The following HERC5 variants were observed in gnomAD, a reference collection of about 807,000 sequenced individuals.
The protein encoded by HERC5 is E3 ISG15--protein ligase HERC5.
In HERC5, 99 loss-of-function variants were observed where a neutral mutation model predicts 119.6. The ratio of observed to expected loss-of-function variants is 0.83; its 90% CI spans 0.70 to 0.98. HERC5 has a LOEUF of 0.98. HERC5 is among the 50% of genes least tolerant of loss of function. The pLI is 0.00. For missense variants in HERC5, 1,267 were observed against 1,241.3 expected (o/e 1.02, Z -0.31); for synonymous variants, 478 against 445.9 (o/e 1.07, Z -0.91).
intron 6 of HERC5, among the ~76,000 whole-genome samples, chr4:88,465,673 C>A (rs1740636891): frequency 6.6e-6 from 1 of 152,176 alleles, no homozygotes; most frequent in Admixed American, 6.5e-5. Context: ...GGAGATCTGT[C>A]TTAATGCACA....
rs750720998 is a variant in HERC5, at chr4:88,467,134, A to C, written c.987A>C (p.Gly329=). ...SFGSGKDGQL[G]NGGTRDQLMP... The stretch of plus-strand genomic sequence containing the variant: ...GTTCTGGAAAAGATGGACAACTGGG[A>C]AATGGTGGAACACGTGACCAGCTGA... Residue 329 remains glycine, a synonymous_variant, in exon 7 of 23, where the codon GGA becomes GGC. Coordinates refer to ENST00000264350, the MANE Select transcript of HERC5 (RefSeq NM_016323.4). The C allele has an allele frequency of 6.2e-7, 1 of 1,614,182 alleles. No individual in the cohort carries two copies. Among genetic ancestry groups the C allele is most frequent in the South Asian group, 1.1e-5 (1 of 91,080 alleles).
Position 88,499,971 on chromosome 4 carries a change from A to G in HERC5, c.2490A>G (p.Glu830=), listed in dbSNP as rs1741901543. 6 of 1,603,472 alleles carry G rather than the reference A, an allele frequency of 3.7e-6. No individual in the cohort carries two copies. Among genetic ancestry groups the G allele is most frequent in the Non-Finnish European group, 5.1e-6 (6 of 1,170,612 alleles). The change falls in exon 19 of 23, where the codon GAA becomes GAG. Residue 830 remains glutamate (E), a synonymous_variant. Coordinates refer to ENST00000264350, the MANE Select transcript of HERC5 (RefSeq NM_016323.4). ...LLDDEGDNFE[E]VFYIHFNVHW... ...ATGATGAAGGTGATAACTTTGAGGA[A>G]GTATTTTACATCCATTTTAATGTGA...
In HERC5 at chr4:88,457,501, C is replaced by T; in HGVS notation, c.232C>T (p.Leu78=). 7.6e-7 allele frequency: 1 copy of T among 1,311,300 alleles called. No homozygotes were observed. Among genetic ancestry groups the T allele is most frequent in the Non-Finnish European group, 9.7e-7 (1 of 1,030,638 alleles). The allele number at this position is 1,311,300 out of a possible 1,614,324, so 81.2% of individuals were successfully genotyped here. Residue 78 remains leucine, a synonymous_variant, in exon 1 of 23, where the codon CTG becomes TTG. Coordinates refer to ENST00000264350, the MANE Select transcript of HERC5 (RefSeq NM_016323.4). ...CGGGGCGGGCGTCCAGGTTCACCAG[C>T]TGCTCGCCGGGAGCGGCGGCGCCCG... is the stretch of plus-strand genomic sequence containing the variant. ...RGGAGVQVHQ[L]LAGSGGARTP...
chr4:88,463,551 TA>T lies in HERC5; in HGVS notation c.709del (p.Ile237LeufsTer4). 1 of 1,613,434 alleles carries T rather than the reference TA, an allele frequency of 6.2e-7. No homozygotes were observed. Among genetic ancestry groups the T allele is most frequent in the Non-Finnish European group, 8.5e-7 (1 of 1,179,466 alleles). ...HTESKDDPSLIEGLDNQKVEF... is the reference protein window; with the variant it reads ...HTESKDDPSLXEGLDNQKVEF... ...ACATAGGTAAAGATGATCCATCCCT[TA>T]TTGAAGGACTAGACAATCAGAAAGT... On this transcript the variant is annotated frameshift_variant, in exon 5 of 23. Coordinates refer to ENST00000264350, the MANE Select transcript of HERC5 (RefSeq NM_016323.4). LOFTEE classifies it high-confidence loss of function.
chr4:88,476,169 T>C (rs1356506829), intron 12 of HERC5, 139 bp downstream of exon 12: 2 of 618,072 alleles, frequency 3.2e-6, no homozygotes, highest in Admixed American at 3.4e-5. Flanking sequence ...CTAAAGGTAC[T>C]ATAACAATTA....
intron 3 of HERC5, among the ~76,000 whole-genome samples, chr4:88,461,427 CTCA>C (rs1314314376): frequency 2.0e-5 from 3 of 152,124 alleles, no homozygotes; most frequent in African/African-American, 7.2e-5. Context: ...ACTGGTCATG[CTCA>C]TCATTATATT....
At position 88,467,180 on chromosome 4, in the gene HERC5, T is replaced by C; in HGVS notation, c.1033T>C (p.Ser345Pro). Residue 345 changes from serine to proline, a missense_variant, in exon 7 of 23, where the codon TCA becomes CCA. By Grantham distance (74) the Ser-to-Pro change is moderately conservative (BLOSUM62 -1). Around this residue, in one of 3 missense-constraint regions of HERC5, gnomAD observed 777 missense variants for 758.0 expected, o/e 1.03. Coordinates refer to ENST00000264350, the MANE Select transcript of HERC5 (RefSeq NM_016323.4). ...GCTGATGCCGCTTCCAGTGAAAGTATCATCAAGTGAAGAACTCAAACTTGG... is the reference window on the plus strand; with the variant it reads ...GCTGATGCCGCTTCCAGTGAAAGTACCATCAAGTGAAGAACTCAAACTTGG... ...DQLMPLPVKVSSSEELKLESH... is the reference protein window; with the variant it reads ...DQLMPLPVKVPSSEELKLESH... 3.7e-6 allele frequency: 6 copies of C among 1,614,172 alleles called. No individual in the cohort carries two copies. Among genetic ancestry groups the C allele is most frequent in the Non-Finnish European group, 5.1e-6 (6 of 1,180,010 alleles).
chr4:88,470,533 A>G (rs190371261), intron 9 of HERC5, 81 bp from the exon 10 acceptor site: 2 of 728,098 alleles, frequency 2.7e-6, no homozygotes, highest in African/African-American at 1.8e-5. Flanking sequence ...GGTATTTATC[A>G]TGTCTCATGC....
chr4:88,462,462 C>A, intron 4 of HERC5, 106 bp downstream of exon 4: 2 of 867,124 alleles, frequency 2.3e-6, no homozygotes, highest in Non-Finnish European at 3.7e-6. Context: ...TTCATTTTCA[C>A]TGCTCTTCCT....
At chr4:88,464,510 G>A (rs1578040467) in intron 6 of HERC5, among the ~76,000 whole-genome samples, 1 of 151,872 alleles carries the variant, frequency 6.6e-6, no homozygotes, top group East Asian at 1.9e-4. Flanking sequence ...GAAAAGAAAG[G>A]TAAAATGTCT....
At position 88,504,257 on chromosome 4, in the gene HERC5, A is replaced by C; in HGVS notation, c.2608A>C (p.Asn870His). 6.2e-7 allele frequency: 1 copy of C among 1,605,090 alleles called. No homozygotes were observed. Residue 870 changes from asparagine (N) to histidine (H), a missense_variant, in exon 21 of 23, where the codon AAT (asparagine) becomes CAT (histidine). Physicochemically the swap from Asn to His is moderately conservative, Grantham distance 68 (BLOSUM62 1). Transcript: ENST00000264350. Reference protein sequence around the residue: ...NKRDYVSKYINYIFNDSVKAV... With the variant: ...NKRDYVSKYIHYIFNDSVKAV... ...GAGAGACTATGTTTCTAAGTATATC[A>C]ATTACATTTTCAACGACTCTGTAAA...
intron 16 of HERC5, among the ~76,000 whole-genome samples, 187 bp from the exon 17 acceptor site, chr4:88,492,825 A>G (rs1196948959): frequency 6.6e-6 from 1 of 152,164 alleles, no homozygotes; most frequent in Non-Finnish European, 1.5e-5. Flanking sequence ...TAAATTCTCA[A>G]GGCCTCGTTA....
chr4:88,483,473 G>T (rs1259694913), intron 13 of HERC5, among the ~76,000 whole-genome samples: 1 of 149,970 alleles, frequency 6.7e-6, no homozygotes, highest in Admixed American at 6.7e-5. Context: ...TTGGTCTCCC[G>T]AAGTGCAAGG....
At chr4:88,465,935 G>GC (rs1740648168) in intron 6 of HERC5, among the ~76,000 whole-genome samples, 1 of 152,164 alleles carries the variant, frequency 6.6e-6, no homozygotes, top group Non-Finnish European at 1.5e-5. Flanking sequence ...GAATTTGCCA[G>GC]CCAATCAGAG....
intron 16 of HERC5, among the ~76,000 whole-genome samples, chr4:88,491,852 G>T (rs186355601): frequency 6.6e-6 from 1 of 152,162 alleles, no homozygotes; most frequent in East Asian, 1.9e-4. Context: ...AGGAATGGAG[G>T]GGTGACTGAA....
intron 11 of HERC5, among the ~76,000 whole-genome samples, chr4:88,475,585 G>A (rs887350032): frequency 1.2e-4 from 19 of 152,044 alleles, no homozygotes; most frequent in African/African-American, 4.3e-4. Context: ...CCAAAGTACT[G>A]GTTAGGTGTG....
chr4:88,496,451 G>A (rs1741797094), intron 18 of HERC5, among the ~76,000 whole-genome samples: 1 of 152,208 alleles, frequency 6.6e-6, no homozygotes, highest in African/African-American at 2.4e-5. Context: ...TATTGGTGCA[G>A]GTTTTCCGAT....
Position 88,493,165 on chromosome 4 carries a change from C to T in HERC5, c.2277+10C>T. ...GTGGTTTCCTGTCAAGGTAAGTTCCCTCTTCTTTGCTTAAGGTATTTTGCG... is the reference window on the plus strand; with the variant it reads ...GTGGTTTCCTGTCAAGGTAAGTTCCTTCTTCTTTGCTTAAGGTATTTTGCG... On this transcript the variant is annotated intron_variant, in intron 17 of 22. Transcript: ENST00000264350. 1.2e-6 allele frequency: 2 copies of T among 1,612,892 alleles called. No homozygotes were observed. The highest frequency in any genetic ancestry group is 1.7e-6 in the Non-Finnish European group (2 of 1,179,404).
intron 13 of HERC5, among the ~76,000 whole-genome samples, chr4:88,481,823 A>ATC (rs1741286280): frequency 6.6e-6 from 1 of 152,242 alleles, no homozygotes; most frequent in Admixed American, 6.5e-5. Flanking sequence ...TGCCCTAGAT[A>ATC]GTATTCTAAG....
Sources: allele counts gnomAD v4.1 joint callset (sites outside exome capture counted in the v4.1 genomes callset), GRCh38; gene constraint gnomAD v4.1.1; regional missense constraint gnomAD v4.1.1; transcripts MANE v1.5; gene names NCBI Gene and HGNC (gene_info 2026-07-23, HGNC 2026-07-21).